The following DPYD variants were observed in gnomAD, a reference collection of about 807,000 sequenced individuals.
DPYD encodes dihydropyrimidine dehydrogenase, also known as dihydropyrimidine dehydrogenase [NADP(+)].
DPYD carries 109 observed loss-of-function variants against 116.2 expected under a neutral mutation model. That is an observed-to-expected ratio of 0.94 (90% confidence interval 0.80 to 1.10). The LOEUF (loss-of-function observed/expected upper bound fraction) is 1.10, where lower values mean the gene tolerates loss of function less well. DPYD is among the 50% of genes least tolerant of loss of function. The pLI, the probability that DPYD is intolerant of heterozygous loss-of-function variation, is 0.00. For synonymous variants in DPYD, 440 were observed against 432.0 expected, an observed-to-expected ratio of 1.02 and a Z score of -0.23; for missense variants, 1,302 against 1,254.5, an observed-to-expected ratio of 1.04 and a Z score of -0.57.
At chr1:97,803,740 T>G (rs1042554700) in intron 3 of DPYD, among the ~76,000 whole-genome samples, 2 of 151,904 alleles carry the variant, frequency 1.3e-5, no homozygotes, top group African/African-American at 4.8e-5. Flanking sequence ...TAAAGCAGTC[T>G]TGAAATTCAC....
At chr1:97,614,683 A>C (rs934412362) in intron 8 of DPYD, among the ~76,000 whole-genome samples, 1 of 152,116 alleles carries the variant, frequency 6.6e-6, no homozygotes, top group Non-Finnish European at 1.5e-5. Flanking sequence ...CCACCCATCA[A>C]GATGCACACT....
chr1:97,712,885 C>T (rs1376348701), intron 5 of DPYD, among the ~76,000 whole-genome samples: 1 of 152,058 alleles, frequency 6.6e-6, no homozygotes, highest in Non-Finnish European at 1.5e-5. Flanking sequence ...ATTAAACTTT[C>T]TATGAGGTGG....
At chr1:97,494,758 A>ACACACACACACACACACACACATACG (rs1679167772) in intron 13 of DPYD, among the ~76,000 whole-genome samples, 1 of 148,642 alleles carries the variant, frequency 6.7e-6, no homozygotes, top group African/African-American at 2.5e-5. Flanking sequence ...GAAAACACAC[A>ACACACACACACACACACACACATACG]CACACACACA....
intron 10 of DPYD, among the ~76,000 whole-genome samples, chr1:97,579,131 A>T (rs992990582): frequency 1.3e-5 from 2 of 152,186 alleles, no homozygotes; most frequent in Non-Finnish European, 2.9e-5. Flanking sequence ...TAAGATAGAC[A>T]CCCAGCAAAT....
chr1:97,829,411 C>A (rs1449210000), intron 2 of DPYD, among the ~76,000 whole-genome samples: 1 of 151,836 alleles, frequency 6.6e-6, no homozygotes, highest in African/African-American at 2.4e-5. Flanking sequence ...TTGAAATTAC[C>A]AAAATGAATC....
In DPYD at chr1:97,305,154, T is replaced by C. The variant is rs1667081448; in HGVS notation, c.2299+105A>G. The C allele has an allele frequency of 3.3e-6, 5 of 1,530,202 alleles. No homozygotes were observed. The South Asian group carries it at 5.6e-5, about 17-fold the overall frequency. The allele number at this position is 1,530,202 out of a possible 1,614,324, so 94.8% of individuals were successfully genotyped here. A position where few individuals can be genotyped will look rare whatever the true frequency, so the allele number is the denominator to read the frequency against. On this transcript the variant is annotated intron_variant, in intron 18 of 22. Transcript: ENST00000370192. ...TTAGGAATATTGATCAGCTATGAGT[T>C]ATAAGAATTTGGGATCATAAAGGGC...
chr1:97,828,330 A>AT, intron 2 of DPYD, 134 bp from the exon 3 acceptor site: 1 of 731,322 alleles, frequency 1.4e-6, no homozygotes, highest in Non-Finnish European at 2.3e-6. Context: ...TTAATTGGGT[A>AT]GCATTCATTA....
At chr1:97,379,350 G>A (rs1671807875) in intron 15 of DPYD, among the ~76,000 whole-genome samples, 1 of 152,206 alleles carries the variant, frequency 6.6e-6, no homozygotes, top group South Asian at 2.1e-4. Flanking sequence ...TGGATTGGTT[G>A]AGAGCAAGAA....
chr1:97,571,825 T>C (rs1652920899), intron 11 of DPYD, among the ~76,000 whole-genome samples: 1 of 151,984 alleles, frequency 6.6e-6, no homozygotes, highest in Non-Finnish European at 1.5e-5. Flanking sequence ...TTAAATCCTA[T>C]TGAGTAAGAT....
chr1:97,441,849 A>G (rs1213561077), intron 14 of DPYD, among the ~76,000 whole-genome samples: 1 of 152,166 alleles, frequency 6.6e-6, no homozygotes, highest in Non-Finnish European at 1.5e-5. Context: ...AAACACGTTG[A>G]TCCTTTCAGA....
intron 19 of DPYD, among the ~76,000 whole-genome samples, chr1:97,226,181 T>C (rs963424633): frequency 2.0e-5 from 3 of 152,006 alleles, no homozygotes; most frequent in Non-Finnish European, 4.4e-5. Context: ...TCCGACAAAA[T>C]TGAACATCTT....
chr1:97,561,994 T>G (rs1261293539), intron 11 of DPYD, among the ~76,000 whole-genome samples: 6 of 152,240 alleles, frequency 3.9e-5, no homozygotes, highest in Non-Finnish European at 8.8e-5. Context: ...TTTATTTGCA[T>G]GCATCTTTCC....
At chr1:97,511,067 C>T (rs1358566234) in intron 13 of DPYD, among the ~76,000 whole-genome samples, 2 of 151,866 alleles carry the variant, frequency 1.3e-5, no homozygotes, top group African/African-American at 2.4e-5. Flanking sequence ...ACTGTAAATG[C>T]ATGATTGAGG....
intron 18 of DPYD, among the ~76,000 whole-genome samples, chr1:97,302,904 C>T (rs1666949733): frequency 6.6e-6 from 1 of 151,940 alleles, no homozygotes; most frequent in Non-Finnish European, 1.5e-5. Context: ...AGACATTGCT[C>T]TCAAATCCAG....
intron 20 of DPYD, among the ~76,000 whole-genome samples, chr1:97,131,467 C>A (rs193036654): frequency 6.6e-6 from 1 of 151,786 alleles, no homozygotes; most frequent in East Asian, 1.9e-4. Context: ...CTTACCTCCA[C>A]CTGAGAAAGG....
chr1:97,799,821 G>A (rs1379832733), intron 3 of DPYD, among the ~76,000 whole-genome samples: 2 of 151,900 alleles, frequency 1.3e-5, no homozygotes, highest in African/African-American at 4.8e-5. Context: ...GAGGGTAGCA[G>A]GGGGAAAGAA....
chr1:97,370,574 T>TA (rs1404320364), intron 16 of DPYD, among the ~76,000 whole-genome samples: 1 of 152,154 alleles, frequency 6.6e-6, no homozygotes, highest in East Asian at 1.9e-4. Context: ...TCCCAGAACT[T>TA]AAAGCAAATT....
chr1:97,559,908 C>A (rs576596003), intron 11 of DPYD, among the ~76,000 whole-genome samples: 1 of 152,280 alleles, frequency 6.6e-6, no homozygotes, highest in Admixed American at 6.5e-5. Flanking sequence ...AGGCTAGGCA[C>A]TGTATATACT....
Position 97,641,342 on chromosome 1 carries a change from G to T in DPYD, c.850+37753C>A, listed in dbSNP as rs80034260. 1.1e-4 allele frequency among the ~76,000 whole-genome samples: 17 copies of T among 152,116 alleles called. No homozygotes were observed. In the East Asian group the frequency reaches 3.1e-3, roughly 28 times the overall value. Reference sequence around the variant, plus strand: ...ATATAAAGGTGCAGAGGAAAGGAAGGGGATGGAGATAGAAGAAACAAAAAG... The same window carrying T: ...ATATAAAGGTGCAGAGGAAAGGAAGTGGATGGAGATAGAAGAAACAAAAAG... On this transcript the variant is annotated intron_variant, in intron 8 of 22. Transcript: ENST00000370192.
Sources: gnomAD v4.1 joint callset for allele counts (sites outside exome capture counted in the v4.1 genomes callset) on GRCh38, gnomAD v4.1.1 for gene constraint, MANE v1.5 for transcripts, NCBI Gene and HGNC (gene_info 2026-07-23, HGNC 2026-07-21) for gene names.